Variants in TEPSIN observed in about 807,000 individuals in gnomAD.
TEPSIN encodes the protein TEPSIN adaptor related protein complex 4 accessory protein.
Under a neutral mutation model 48.5 loss-of-function variants are expected in TEPSIN, and 50 were observed. The ratio of observed to expected loss-of-function variants is 1.03; its 90% CI spans 0.82 to 1.31. TEPSIN has a LOEUF of 1.31. TEPSIN is among the 50% of genes most tolerant of loss of function. The probability of loss-of-function intolerance (pLI) is 0.00; values close to 1 mark genes in which losing one functional copy is unlikely to be tolerated. For missense variants in TEPSIN, 838 were observed against 815.9 expected (o/e 1.03, Z -0.33); for synonymous variants, 392 against 358.8 (o/e 1.09, Z -1.05).
In TEPSIN at chr17:81,229,158, G is replaced by C. The variant is rs770063405; in HGVS notation, c.1552C>G (p.Pro518Ala). 1.2e-6 allele frequency: 2 copies of C among 1,612,412 alleles called. No individual in the cohort carries two copies. The highest frequency in any genetic ancestry group is 1.7e-6 in the Non-Finnish European group (2 of 1,179,644). The change falls in exon 13 of 13, where the codon CCA becomes GCA. Residue 518 changes from proline (P) to alanine (A), a missense_variant. Transcript: ENST00000637944. ...ESRRWRPERI[P>A]GGTDSPKRGP... ...CTCTTTGGGCTGTCCGTGCCCCCTG[G>C]GATCCGTTCAGGTCTCCACCGCCTG...
chr17:81,231,333 ACG>A, intron 11 of TEPSIN, 63 bp downstream of exon 11: 2 of 1,369,736 alleles, frequency 1.5e-6, no homozygotes, highest in African/African-American at 2.2e-5. Flanking sequence ...ACACACGCAC[ACG>A]CACACACACG....
At chr17:81,238,575 C>G in intron 1 of TEPSIN, 1 of 1,055,654 alleles carries the variant, frequency 9.5e-7, no homozygotes, top group South Asian at 4.1e-5. Context: ...AGGGGTGCCT[C>G]TCCAGGACCG....
intron 7 of TEPSIN, 115 bp from the exon 8 acceptor site, chr17:81,232,633 A>G (rs895324920): frequency 1.0e-6 from 1 of 998,244 alleles, no homozygotes; most frequent in South Asian, 1.8e-5. Flanking sequence ...GTCGGGGTAC[A>G]TGCTGCAGGT....
rs762867310 is a variant in TEPSIN, at chr17:81,237,549, A to G, written c.49-90T>C. The G allele has an allele frequency of 4.2e-5, 55 of 1,314,422 alleles. No individual in the cohort carries two copies. The African/African-American group carries it at 5.0e-4, about 12-fold the overall frequency. 81.4% of individuals were successfully genotyped at this position (1,314,422 alleles called of 1,614,324 possible). A position where few individuals can be genotyped will look rare whatever the true frequency, so the allele number is the denominator to read the frequency against. The stretch of plus-strand genomic sequence containing the variant: ...CCCCCAAAGGGGATGGAAACGACCC[A>G]CCTCTCACTGTTGACATGGCCGGAG... On this transcript the variant is annotated intron_variant, in intron 1 of 12. Coordinates refer to ENST00000637944, the MANE Select transcript of TEPSIN (RefSeq NM_001363764.2).
chr17:81,229,785 G>T (rs962599377), intron 12 of TEPSIN: 15 of 429,424 alleles, frequency 3.5e-5, no homozygotes, highest in Non-Finnish European at 5.9e-5. Context: ...CTGCCGGAGG[G>T]AGTGAACACG....
Position 81,230,660 on chromosome 17 carries a change from C to A in TEPSIN, c.1117G>T (p.Ala373Ser). Reference sequence around the variant, plus strand: ...AGGAGGTCGCTGCTCCCCAGGGAGGCGATGGCACACAGCGCCCTCTGCGGG... The same window carrying A: ...AGGAGGTCGCTGCTCCCCAGGGAGGAGATGGCACACAGCGCCCTCTGCGGG... ...CTQLRALCAI[A>S]SLGSSDLLPQ... The change falls in exon 12 of 13, where the codon GCC (alanine) becomes TCC (serine). Residue 373 changes from alanine to serine, a missense_variant. Coordinates refer to ENST00000637944, the MANE Select transcript of TEPSIN (RefSeq NM_001363764.2). The surrounding 1 kb of genome is among the most constrained non-coding windows in gnomAD (Gnocchi z 4.2). The A allele has an allele frequency of 1.3e-6, 2 of 1,568,402 alleles. No homozygotes were observed. Among genetic ancestry groups the A allele is most frequent in the Non-Finnish European group, 8.7e-7 (1 of 1,155,670 alleles).
At position 81,229,681 on chromosome 17, in the gene TEPSIN, G is replaced by A. The variant is rs1010951280; in HGVS notation, c.1234-205C>T. The A allele has an allele frequency of 4.3e-5, 26 of 606,190 alleles. 2 individuals carry two copies. Among genetic ancestry groups the A allele is most frequent in the African/African-American group, 3.2e-4 (17 of 52,896 alleles). 37.6% of individuals were successfully genotyped at this position (606,190 alleles called of 1,614,324 possible). A position where few individuals can be genotyped will look rare whatever the true frequency, so the allele number is the denominator to read the frequency against. The stretch of plus-strand genomic sequence containing the variant: ...GAGCAGCTGCTGGGCTGGTGCTGGC[G>A]ACACGGGGCAGGTGTCACATACACA... On this transcript the variant is annotated intron_variant, in intron 12 of 12. Transcript: ENST00000637944.
Position 81,231,439 on chromosome 17 carries a change from G to A in TEPSIN, c.1057C>T (p.Leu353=), listed in dbSNP as rs1342162000. 1.9e-6 allele frequency: 3 copies of A among 1,566,886 alleles called. No individual in the cohort carries two copies. The highest frequency in any genetic ancestry group is 1.4e-5 in the African/African-American group (1 of 74,016). The change falls in exon 11 of 13, where the codon CTG becomes TTG. Residue 353 remains leucine (L), a synonymous_variant. Transcript: ENST00000637944. Reference sequence around the variant, plus strand: ...CTGGTCCCACGCAGGTGGCAGGTCAGCAGCTGCAGCACGGCCTCACAGTTG... The same window carrying A: ...CTGGTCCCACGCAGGTGGCAGGTCAACAGCTGCAGCACGGCCTCACAGTTG... ...LLNCEAVLQL[L]TCHLRGTSEC... is the part of the protein sequence containing the mutation.
chr17:81,238,915 G>T, intron 1 of TEPSIN, 71 bp downstream of exon 1: 2 of 1,391,412 alleles, frequency 1.4e-6, no homozygotes, highest in South Asian at 3.1e-5. Context: ...TCCGGCCCGG[G>T]GCGAGTCCGG....
Position 81,231,534 on chromosome 17 carries a change from C to A in TEPSIN, c.1019+44G>T, listed in dbSNP as rs754694621. 8.8e-6 allele frequency: 14 copies of A among 1,592,068 alleles called. No individual in the cohort carries two copies. The East Asian group carries it at 3.2e-4, about 37-fold the overall frequency. On this transcript the variant is annotated intron_variant, in intron 10 of 12. Transcript: ENST00000637944. ...GGCCCGTTCCCTCCTCCCTCGCCCA[C>A]GGTTGGGGCTGAGGCAGAGCAGGGC...
rs764398228 is a variant in TEPSIN, at chr17:81,231,911, C to A, written c.841G>T (p.Gly281Cys). ...NSDLSRVSDSGSHSGSDSHSG... is the reference protein window; with the variant it reads ...NSDLSRVSDSCSHSGSDSHSG... ...TGGCTGTCGCTGCCGGAATGACTGCCCGAGTCCGAGACCCTGCTCAGGTCG... is the reference window on the plus strand; with the variant it reads ...TGGCTGTCGCTGCCGGAATGACTGCACGAGTCCGAGACCCTGCTCAGGTCG... Residue 281 changes from glycine (G) to cysteine (C), a missense_variant, in exon 9 of 13, where the codon GGC becomes TGC. By Grantham distance (159) the Gly-to-Cys change is radical. Transcript: ENST00000637944. The A allele has an allele frequency of 1.2e-6, 2 of 1,613,680 alleles. No individual in the cohort carries two copies. Among genetic ancestry groups the A allele is most frequent in the Admixed American group, 3.3e-5 (2 of 60,032 alleles).
At position 81,234,720 on chromosome 17, in the gene TEPSIN, G is replaced by A. The variant is rs1255554726; in HGVS notation, c.308-672C>T. On this transcript the variant is annotated intron_variant, in intron 4 of 12. Transcript: ENST00000637944. This position sits in a 1 kb window ranked among gnomAD's most constrained non-coding sequence, Gnocchi z 5.4. The stretch of plus-strand genomic sequence containing the variant: ...GGAGACGATGCTCCTGGCTGTCCCT[G>A]GGCCCAGGGCTGGCGGCCACAAGCT... Among the ~76,000 whole-genome samples the A allele has an allele frequency of 1.3e-5, 2 of 151,980 alleles. No individual in the cohort carries two copies. The highest frequency in any genetic ancestry group is 1.5e-5 in the Non-Finnish European group (1 of 67,974).
In TEPSIN at chr17:81,239,005, C is replaced by T. The variant is rs1331397899; in HGVS notation, c.29G>A (p.Arg10His). The T allele has an allele frequency of 6.7e-6, 10 of 1,488,498 alleles. No homozygotes were observed. The highest frequency in any genetic ancestry group is 2.2e-4 in the Middle Eastern group (1 of 4,548). The allele number at this position is 1,488,498 out of a possible 1,614,324, so 92.2% of individuals were successfully genotyped here. ...ACTCACCCGGTGTAGAAAGCTCAGGCGGTCCCGTAGCGGCGGCGCGGCAGC... is the reference window on the plus strand; with the variant it reads ...ACTCACCCGGTGTAGAAAGCTCAGGTGGTCCCGTAGCGGCGGCGCGGCAGC... MAAAPPLRD[R>H]LSFLHRLPIL... The change falls in exon 1 of 13, where the codon CGC (arginine) becomes CAC (histidine). Residue 10 changes from arginine to histidine, a missense_variant. Physicochemically the swap from Arg to His is conservative, Grantham distance 29. Coordinates refer to ENST00000637944, the MANE Select transcript of TEPSIN (RefSeq NM_001363764.2).
Position 81,232,451 on chromosome 17 carries a change from G to A in TEPSIN, c.594C>T (p.Arg198=), listed in dbSNP as rs778477368. 4.8e-5 allele frequency: 74 copies of A among 1,535,668 alleles called. No homozygotes were observed. In the South Asian group the frequency reaches 8.0e-4, roughly 17 times the overall value. Residue 198 remains arginine, a synonymous_variant, in exon 8 of 13, where the codon CGC becomes CGT. Coordinates refer to ENST00000637944, the MANE Select transcript of TEPSIN (RefSeq NM_001363764.2). ...KAAEVVASAM[R]PGPESPSTRR... is the part of the protein sequence containing the mutation. ...GGGTACTGGGACTCTCGGGCCCGGGGCGCATGGCGCTGGCCACCACCTCTG... is the reference window on the plus strand; with the variant it reads ...GGGTACTGGGACTCTCGGGCCCGGGACGCATGGCGCTGGCCACCACCTCTG...
Position 81,232,526 on chromosome 17 carries a change from CGAG to C in TEPSIN, c.527-11_527-9del. 6.5e-7 allele frequency: 1 copy of C among 1,527,894 alleles called. No homozygotes were observed. The highest frequency in any genetic ancestry group is 8.8e-7 in the Non-Finnish European group (1 of 1,141,888). The allele number at this position is 1,527,894 out of a possible 1,614,324, so 94.6% of individuals were successfully genotyped here. ...AGGCTTCGCCTGCCGAGCCTGTACC[CGAG>C]GAGAGGGAGATGGGACGGCCGCCCA... On this transcript the variant is annotated splice_polypyrimidine_tract_variant and intron_variant, in intron 7 of 12. Coordinates refer to ENST00000637944, the MANE Select transcript of TEPSIN (RefSeq NM_001363764.2).
chr17:81,231,746 G>T (rs571952080), intron 9 of TEPSIN, 55 bp from the exon 10 acceptor site: 7 of 1,607,756 alleles, frequency 4.4e-6, no homozygotes, highest in Admixed American at 1.7e-5. Flanking sequence ...CCCCACTCCT[G>T]TCTCGCATGG....
rs1188447969 is a variant in TEPSIN, at chr17:81,232,459, C to T, written c.586G>A (p.Ala196Thr). 9.1e-6 allele frequency: 14 copies of T among 1,535,314 alleles called. No homozygotes were observed. Among genetic ancestry groups the T allele is most frequent in the African/African-American group, 4.1e-5 (3 of 73,006 alleles). Residue 196 changes from alanine (A) to threonine (T), a missense_variant, in exon 8 of 13, where the codon GCC becomes ACC. By Grantham distance (58) the Ala-to-Thr change is moderately conservative. Coordinates refer to ENST00000637944, the MANE Select transcript of TEPSIN (RefSeq NM_001363764.2). ...IQKAAEVVAS[A>T]MRPGPESPST... Reference sequence around the variant, plus strand: ...GGACTCTCGGGCCCGGGGCGCATGGCGCTGGCCACCACCTCTGCGGCCTTC... The same window carrying T: ...GGACTCTCGGGCCCGGGGCGCATGGTGCTGGCCACCACCTCTGCGGCCTTC...
chr17:81,229,664 G>T, intron 12 of TEPSIN, 188 bp from the exon 13 acceptor site: 1 of 639,986 alleles, frequency 1.6e-6, no homozygotes, highest in Non-Finnish European at 2.7e-6. Flanking sequence ...GAGAGCAGCT[G>T]CTGGGCTGGT....
At chr17:81,238,848 G>A in intron 1 of TEPSIN, 138 bp downstream of exon 1, 1 of 1,349,750 alleles carries the variant, frequency 7.4e-7, no homozygotes, top group Non-Finnish European at 9.5e-7. Context: ...CAGGGGCGTC[G>A]GCGCGGGCGA....
Sources: gnomAD v4.1 joint callset for allele counts (sites outside exome capture counted in the v4.1 genomes callset) on GRCh38, gnomAD v4.1.1 for gene constraint, Gnocchi (gnomAD v3.1) non-coding constraint, MANE v1.5 for transcripts, NCBI Gene and HGNC (gene_info 2026-07-23, HGNC 2026-07-21) for gene names.